Variants in PRKCE observed in about 807,000 individuals in gnomAD.
The protein encoded by PRKCE is protein kinase C epsilon type.
Under a neutral mutation model 85.4 loss-of-function variants are expected in PRKCE, and 16 were observed. The ratio of observed to expected loss-of-function variants is 0.19; its 90% CI spans 0.13 to 0.28. The LOEUF is 0.28. Ranked by LOEUF, PRKCE falls within the 10% of genes least tolerant of loss-of-function variation. The probability of loss-of-function intolerance (pLI) is 1.00; values close to 1 mark genes in which losing one functional copy is unlikely to be tolerated. For synonymous variants in PRKCE, 388 were observed against 371.5 expected (o/e 1.04, Z -0.51); for missense variants, 573 against 975.2 (o/e 0.59, Z 5.49).
chr2:45,804,575 A>T (rs1370531717), intron 1 of PRKCE, among the ~76,000 whole-genome samples: 1 of 152,230 alleles, frequency 6.6e-6, no homozygotes, highest in Non-Finnish European at 1.5e-5. Context: ...AAATCTCTAC[A>T]GGCTGTTCTA....
chr2:46,163,602 A>C (rs1462979245), intron 14 of PRKCE, among the ~76,000 whole-genome samples: 11 of 101,552 alleles, frequency 1.1e-4, no homozygotes, highest in African/African-American at 1.2e-4. Context: ...CCACTGAGAG[A>C]CACGGGGAAG....
At chr2:46,062,137 C>T (rs1488403542) in intron 10 of PRKCE, among the ~76,000 whole-genome samples, 3 of 152,184 alleles carry the variant, frequency 2.0e-5, no homozygotes, top group Non-Finnish European at 2.9e-5. Flanking sequence ...GCTGGGATTA[C>T]AGGCGTGAGC....
rs34589907 is a variant in PRKCE at position 45,751,809 on chromosome 2, A to ATTTTTTTTTTT, written c.349-91175_349-91165dup. Among the ~76,000 whole-genome samples, 17 of 78,506 alleles carry ATTTTTTTTTTT rather than the reference A, an allele frequency of 2.2e-4. 2 individuals carry two copies. The highest frequency in any genetic ancestry group is 4.5e-4 in the African/African-American group (8 of 17,672). The allele number at this position is 78,506 out of a possible 152,430, so 51.5% of individuals were successfully genotyped here. On this transcript the variant is annotated intron_variant, in intron 1 of 14. Coordinates refer to ENST00000306156, the MANE Select transcript of PRKCE (RefSeq NM_005400.3). ...ACTCCAGCCTCCAAAGCTAACCACTATTTTTTTTTTTTTTTTTTTTTTTTT... is the reference window on the plus strand; with the variant it reads ...ACTCCAGCCTCCAAAGCTAACCACTATTTTTTTTTTTTTTTTTTTTTTTTTTTTTTTTTTTT...
chr2:45,779,764 T>C (rs1018139920), intron 1 of PRKCE, among the ~76,000 whole-genome samples: 2 of 152,232 alleles, frequency 1.3e-5, no homozygotes, highest in Non-Finnish European at 1.5e-5. Flanking sequence ...TACATGCATA[T>C]GTAGTGTGAT....
At chr2:45,771,855 G>A (rs1351208501) in intron 1 of PRKCE, among the ~76,000 whole-genome samples, 2 of 152,140 alleles carry the variant, frequency 1.3e-5, no homozygotes, top group East Asian at 1.9e-4. Flanking sequence ...TCTTCCAAAG[G>A]TTGGTTTGGG....
At chr2:45,851,349 G>C (rs1206744656) in intron 2 of PRKCE, among the ~76,000 whole-genome samples, 1 of 152,210 alleles carries the variant, frequency 6.6e-6, no homozygotes, top group Non-Finnish European at 1.5e-5. Flanking sequence ...CTGTATGCTA[G>C]TTACTCTTCT....
chr2:45,820,175 A>G (rs776248233), intron 1 of PRKCE, among the ~76,000 whole-genome samples: 44 of 152,218 alleles, frequency 2.9e-4, no homozygotes, highest in Non-Finnish European at 5.3e-4. Flanking sequence ...GTGTTACATC[A>G]TTCAACCAAC....
At position 46,185,010 on chromosome 2, in the gene PRKCE, A is replaced by G. The variant is rs1481914232; in HGVS notation, c.*129A>G. On this transcript the variant is annotated 3_prime_UTR_variant, in exon 15 of 15. Transcript: ENST00000306156. The surrounding 1 kb of genome is among the most constrained non-coding windows in gnomAD (Gnocchi z 4.7). ...AGCCCCAGTCCCATGTCCACTGTCT[A>G]TTTATTGCATTCCCTTGCCCCAGGC... 10 of 1,285,316 alleles carry G rather than the reference A, an allele frequency of 7.8e-6. No homozygotes were observed. The highest frequency in any genetic ancestry group is 9.6e-6 in the Non-Finnish European group (9 of 939,276). 79.6% of individuals were successfully genotyped at this position (1,285,316 alleles called of 1,614,324 possible). A position where few individuals can be genotyped will look rare whatever the true frequency, so the allele number is the denominator to read the frequency against.
At chr2:45,867,872 C>T (rs777269799) in intron 2 of PRKCE, among the ~76,000 whole-genome samples, 1 of 152,152 alleles carries the variant, frequency 6.6e-6, no homozygotes, top group Admixed American at 6.5e-5. Context: ...TTTCATCCTA[C>T]CTCATCACTT....
intron 1 of PRKCE, among the ~76,000 whole-genome samples, chr2:45,802,106 C>T (rs1687915436): frequency 6.8e-6 from 1 of 147,784 alleles, no homozygotes; most frequent in African/African-American, 2.5e-5. Flanking sequence ...AAAAAAAACA[C>T]CCAAAAACTT....
intron 3 of PRKCE, 75 bp downstream of exon 3, chr2:45,976,663 A>G (rs1266082674): frequency 1.6e-5 from 24 of 1,487,930 alleles, no homozygotes; most frequent in Admixed American, 3.7e-5. Context: ...AGGGGAGACT[A>G]TGCACCTCAT....
chr2:46,119,428 A>T (rs549363751), intron 11 of PRKCE, among the ~76,000 whole-genome samples: 17 of 152,176 alleles, frequency 1.1e-4, no homozygotes, highest in Non-Finnish European at 2.1e-4. Context: ...GGGGGGAGAC[A>T]TTCAAATTCT....
At chr2:45,758,946 A>G (rs1034245796) in intron 1 of PRKCE, among the ~76,000 whole-genome samples, 2 of 152,196 alleles carry the variant, frequency 1.3e-5, no homozygotes, top group African/African-American at 4.8e-5. Context: ...GTTGTCTTGA[A>G]CAAGGGAGTG....
chr2:45,766,867 C>A (rs1231553834), intron 1 of PRKCE, among the ~76,000 whole-genome samples: 2 of 152,160 alleles, frequency 1.3e-5, no homozygotes, highest in African/African-American at 4.8e-5. Flanking sequence ...CGGTGAAACC[C>A]CATCTCTACT....
intron 1 of PRKCE, among the ~76,000 whole-genome samples, chr2:45,694,704 G>A (rs185822173): frequency 1.2e-4 from 19 of 152,332 alleles, no homozygotes; most frequent in African/African-American, 4.3e-4. Context: ...GGATAGATGG[G>A]TAAGACATGG....
At chr2:46,012,242 A>C (rs1029663684) in intron 10 of PRKCE, among the ~76,000 whole-genome samples, 1 of 152,124 alleles carries the variant, frequency 6.6e-6, no homozygotes, top group Non-Finnish European at 1.5e-5. Flanking sequence ...AAAGACTTGG[A>C]AGATTTTTTC....
intron 11 of PRKCE, among the ~76,000 whole-genome samples, chr2:46,086,800 A>G (rs1455281842): frequency 6.6e-6 from 1 of 152,140 alleles, no homozygotes; most frequent in Admixed American, 6.5e-5. Context: ...AGAATCAGGG[A>G]AGGAGGAGTT....
At position 46,146,488 on chromosome 2, in the gene PRKCE, A is replaced by G. The variant is rs556881572; in HGVS notation, c.1731+1257A>G. Reference sequence around the variant, plus strand: ...CTAATTAAGCAGAATAAATAGGCACATAAAAGAAGATGGTATCCTCAGGGA... The same window carrying G: ...CTAATTAAGCAGAATAAATAGGCACGTAAAAGAAGATGGTATCCTCAGGGA... On this transcript the variant is annotated intron_variant, in intron 12 of 14. Coordinates refer to ENST00000306156, the MANE Select transcript of PRKCE (RefSeq NM_005400.3). Among the ~76,000 whole-genome samples, 76 of 152,402 alleles carry G rather than the reference A, an allele frequency of 5.0e-4. 3 individuals are homozygous for G. In the South Asian group the frequency reaches 5.4e-3, roughly 11 times the overall value.
At position 46,032,970 on chromosome 2, in the gene PRKCE, T is replaced by G. The variant is rs2104956449; in HGVS notation, c.1437+22453T>G. Reference sequence around the variant, plus strand: ...AGGTATAAGTTGAAGTAGCCGTCAGTGGTGCTTCTAAAGGTCAGGGTTTCA... The same window carrying G: ...AGGTATAAGTTGAAGTAGCCGTCAGGGGTGCTTCTAAAGGTCAGGGTTTCA... On this transcript the variant is annotated intron_variant, in intron 10 of 14. Transcript: ENST00000306156. Among the ~76,000 whole-genome samples, 3 of 152,230 alleles carry G rather than the reference T, an allele frequency of 2.0e-5. No individual in the cohort carries two copies. In the South Asian group the frequency reaches 6.2e-4, roughly 32 times the overall value.
Sources: gnomAD v4.1 joint callset for allele counts (sites outside exome capture counted in the v4.1 genomes callset) on GRCh38, gnomAD v4.1.1 for gene constraint, Gnocchi (gnomAD v3.1) non-coding constraint, MANE v1.5 for transcripts, NCBI Gene and HGNC (gene_info 2026-07-23, HGNC 2026-07-21) for gene names.